Variants in ITPRID1 observed in about 807,000 individuals in gnomAD.
ITPRID1 encodes the protein protein ITPRID1.
Under a neutral mutation model 95.4 loss-of-function variants are expected in ITPRID1, and 96 were observed. The ratio of observed to expected loss-of-function variants is 1.01; its 90% CI spans 0.85 to 1.19. The LOEUF (loss-of-function observed/expected upper bound fraction) is 1.19. ITPRID1 is among the 50% of genes most tolerant of loss of function. The pLI, the probability that ITPRID1 is intolerant of heterozygous loss-of-function variation, is 0.00. For missense variants in ITPRID1, 1,339 were observed against 1,252.9 expected, an observed-to-expected ratio of 1.07 and a Z score of -1.04; for synonymous variants, 510 against 453.6, an observed-to-expected ratio of 1.12 and a Z score of -1.58.
intron 1 of ITPRID1, among the ~76,000 whole-genome samples, chr7:31,533,128 T>C (rs769676512): frequency 6.6e-6 from 1 of 152,194 alleles, no homozygotes; most frequent in Non-Finnish European, 1.5e-5. Flanking sequence ...AGTAAAGACA[T>C]CTGTACCCAG....
intron 12 of ITPRID1, among the ~76,000 whole-genome samples, chr7:31,644,455 T>C (rs1219710749): frequency 6.6e-6 from 1 of 152,202 alleles, no homozygotes; most frequent in Admixed American, 6.5e-5. Context: ...TGGAAATCTC[T>C]AGGTAATGTT....
chr7:31,652,447 C>G (rs951444449), intron 14 of ITPRID1, 71 bp from the exon 15 acceptor site: 2 of 1,499,744 alleles, frequency 1.3e-6, no homozygotes, highest in Admixed American at 2.1e-5. Flanking sequence ...GCCTAGCTCA[C>G]AAGTTTGAGT....
intron 7 of ITPRID1, among the ~76,000 whole-genome samples, chr7:31,572,495 A>AT (rs924385571): frequency 6.6e-6 from 1 of 152,158 alleles, no homozygotes; most frequent in Non-Finnish European, 1.5e-5. Flanking sequence ...TATATGCCAT[A>AT]TTTTTTAAGA....
At chr7:31,593,969 A>G (rs1785970174) in intron 10 of ITPRID1, among the ~76,000 whole-genome samples, 3 of 152,218 alleles carry the variant, frequency 2.0e-5, no homozygotes, top group Admixed American at 6.5e-5. Context: ...AGTCTTATCT[A>G]TACACTCCTT....
At chr7:31,618,400 C>A (rs1276888568) in intron 10 of ITPRID1, among the ~76,000 whole-genome samples, 1 of 152,166 alleles carries the variant, frequency 6.6e-6, no homozygotes, top group Non-Finnish European at 1.5e-5. Context: ...ACTAATTAGG[C>A]TATTGAAGAA....
chr7:31,554,736 T>C, intron 4 of ITPRID1, 122 bp from the exon 5 acceptor site: 1 of 1,038,390 alleles, frequency 9.6e-7, no homozygotes, highest in Non-Finnish European at 1.4e-6. Context: ...TATTGGTTTC[T>C]AAAAGTCCTC....
chr7:31,652,907 C>T lies in ITPRID1; in HGVS notation c.*78C>T. On this transcript the variant is annotated 3_prime_UTR_variant, in exon 15 of 15. Coordinates refer to ENST00000615280, the MANE Select transcript of ITPRID1 (RefSeq NM_001257967.3). ...GTAGCAAGGAAATTTCAATTTTCCC[C>T]AAGGAGAAGGGTCTGCCAACCCATT... 2 of 1,546,326 alleles carry T rather than the reference C, an allele frequency of 1.3e-6. No individual in the cohort carries two copies. Among genetic ancestry groups the T allele is most frequent in the Middle Eastern group, 1.8e-4 (1 of 5,666 alleles).
chr7:31,554,902 G>C lies in ITPRID1; in HGVS notation c.256+1G>C. 6.3e-7 allele frequency: 1 copy of C among 1,577,064 alleles called. No individual in the cohort carries two copies. The highest frequency in any genetic ancestry group is 8.6e-7 in the Non-Finnish European group (1 of 1,158,140). On this transcript the variant is annotated splice_donor_variant, in intron 5 of 14. Coordinates refer to ENST00000615280, the MANE Select transcript of ITPRID1 (RefSeq NM_001257967.3). LOFTEE classifies it high-confidence loss of function. The stretch of plus-strand genomic sequence containing the variant: ...TTTCAACAAGTCATTGACCGCACTG[G>C]TAAGACAAGAGAAGCAGTTATGCTT...
At chr7:31,519,644 AT>A (rs1388882444) in intron 1 of ITPRID1, among the ~76,000 whole-genome samples, 12 of 132,168 alleles carry the variant, frequency 9.1e-5, no homozygotes, top group South Asian at 7.5e-4. Flanking sequence ...ATATATATAT[AT>A]AAATCTTATG....
chr7:31,519,618 C>CTATATATATATATATA (rs1436134437), intron 1 of ITPRID1, among the ~76,000 whole-genome samples: 9 of 31,692 alleles, frequency 2.8e-4, no homozygotes, highest in Non-Finnish European at 3.7e-4. Flanking sequence ...CTCTCTCTCT[C>CTATATATATATATATA]TCTATATATA....
At chr7:31,599,940 C>T (rs952613799) in intron 10 of ITPRID1, among the ~76,000 whole-genome samples, 10 of 151,952 alleles carry the variant, frequency 6.6e-5, no homozygotes, top group Non-Finnish European at 2.9e-5. Context: ...CCTCGTGATC[C>T]GCCGGCCTCT....
chr7:31,566,542 G>C (rs1784808029), intron 5 of ITPRID1, among the ~76,000 whole-genome samples: 1 of 152,194 alleles, frequency 6.6e-6, no homozygotes, highest in African/African-American at 2.4e-5. Flanking sequence ...CTTACTTTGT[G>C]AGTTACATGC....
At chr7:31,628,305 G>A (rs1422195587) in intron 10 of ITPRID1, among the ~76,000 whole-genome samples, 7 of 152,110 alleles carry the variant, frequency 4.6e-5, no homozygotes, top group South Asian at 4.1e-4. Flanking sequence ...CAGAATAGAA[G>A]GTAACAGGGG....
At chr7:31,581,500 T>C (rs1785402767) in intron 9 of ITPRID1, among the ~76,000 whole-genome samples, 1 of 152,256 alleles carries the variant, frequency 6.6e-6, no homozygotes, top group Admixed American at 6.5e-5. Context: ...TTTTTAGCTT[T>C]CCCTCCTGTT....
At chr7:31,582,134 G>C (rs1255739950) in intron 9 of ITPRID1, among the ~76,000 whole-genome samples, 1 of 152,160 alleles carries the variant, frequency 6.6e-6, no homozygotes, top group Admixed American at 6.5e-5. Flanking sequence ...TTATGAACAA[G>C]AATATTCACC....
In ITPRID1 at chr7:31,643,521, G is replaced by A. The variant is rs754756948; in HGVS notation, c.2151G>A (p.Val717=). 1.9e-6 allele frequency: 3 copies of A among 1,613,918 alleles called. No homozygotes were observed. The highest frequency in any genetic ancestry group is 2.5e-6 in the Non-Finnish European group (3 of 1,179,914). The change falls in exon 12 of 15, where the codon GTG becomes GTA. Residue 717 remains valine, a synonymous_variant. Coordinates refer to ENST00000615280, the MANE Select transcript of ITPRID1 (RefSeq NM_001257967.3). ...SVMTQMSSSL[V]SAAQRAVALG... Reference sequence around the variant, plus strand: ...TGACCCAGATGTCCTCCAGCCTGGTGTCGGCTGCTCAGAGGGCTGTGGCCT... The same window carrying A: ...TGACCCAGATGTCCTCCAGCCTGGTATCGGCTGCTCAGAGGGCTGTGGCCT...
At chr7:31,649,592 G>A (rs998531536) in intron 12 of ITPRID1, among the ~76,000 whole-genome samples, 5 of 152,214 alleles carry the variant, frequency 3.3e-5, no homozygotes, top group African/African-American at 1.2e-4. Context: ...TCAACTAGCA[G>A]CCTCTGCTAC....
At chr7:31,647,673 CAAAAAAAAAA>C (rs11345351) in intron 12 of ITPRID1, among the ~76,000 whole-genome samples, 1 of 69,340 alleles carries the variant, frequency 1.4e-5, no homozygotes, top group Non-Finnish European at 2.8e-5. Context: ...GTCTCCGTCT[CAAAAAAAAAA>C]AAAAAAAAAA....
chr7:31,516,392 A>G (rs144436700), intron 1 of ITPRID1, among the ~76,000 whole-genome samples: 2 of 152,312 alleles, frequency 1.3e-5, no homozygotes, highest in East Asian at 1.9e-4. Context: ...AAATTATACA[A>G]TCTTGTTTAT....
Sources: allele counts gnomAD v4.1 joint callset (sites outside exome capture counted in the v4.1 genomes callset), GRCh38; gene constraint gnomAD v4.1.1; transcripts MANE v1.5; gene names NCBI Gene and HGNC (gene_info 2026-07-23, HGNC 2026-07-21).